Variants in MICAL3 observed in about 807,000 individuals in gnomAD.
MICAL3 encodes [F-actin]-monooxygenase MICAL3.
Under a neutral mutation model 207.4 loss-of-function variants are expected in MICAL3, and 62 were observed. The ratio of observed to expected loss-of-function variants is 0.30; its 90% CI spans 0.24 to 0.37. The LOEUF is 0.37. Among genes scored for constraint, MICAL3 ranks in the 10% least tolerant of loss-of-function variants. The probability of loss-of-function intolerance (pLI) is 1.00; values close to 1 mark genes in which losing one functional copy is unlikely to be tolerated. For missense variants in MICAL3, 2,368 were observed against 2,635.6 expected, an observed-to-expected ratio of 0.90 and a Z score of 2.22; for synonymous variants, 1,077 against 1,069.3, an observed-to-expected ratio of 1.01 and a Z score of -0.14.
rs993896603 is a variant in MICAL3 at position 17,789,461 on chromosome 22, G to A, written c.*1271C>T. ...TGCAGAGCCGGAATTCTCACTGGGA[G>A]GGTGAGAGTGGCAGCTCTGCTGTTG... is the stretch of plus-strand genomic sequence containing the variant. On this transcript the variant is annotated 3_prime_UTR_variant, in exon 32 of 32. Coordinates refer to ENST00000441493, the MANE Select transcript of MICAL3 (RefSeq NM_015241.3). The A allele has an allele frequency of 3.3e-5, 5 of 152,260 alleles. No individual in the cohort carries two copies. Among genetic ancestry groups the A allele is most frequent in the African/African-American group, 1.2e-4 (5 of 41,462 alleles). 9.4% of individuals were successfully genotyped at this position (152,260 alleles called of 1,614,324 possible).
chr22:17,882,346 G>A (rs1294937032), intron 16 of MICAL3, among the ~76,000 whole-genome samples: 1 of 152,186 alleles, frequency 6.6e-6, no homozygotes, highest in Non-Finnish European at 1.5e-5. Context: ...TGTCCTACCA[G>A]GCAATGCCCT....
intron 1 of MICAL3, among the ~76,000 whole-genome samples, chr22:18,023,254 T>A (rs1229219284): frequency 2.0e-5 from 3 of 151,948 alleles, no homozygotes; most frequent in Non-Finnish European, 2.9e-5. Context: ...AAAGAAAATT[T>A]AAAAAATCCC....
At chr22:17,866,608 C>CAGAATAGAAT (rs1327654068) in intron 17 of MICAL3, among the ~76,000 whole-genome samples, 9,272 of 122,470 alleles carry the variant, frequency 0.076, 382 homozygotes, top group Middle Eastern at 0.11. Context: ...CAGCATAGAA[C>CAGAATAGAAT]AGAACAGAAT....
chr22:17,801,162 T>TGCTGGAATTCTAAA (rs1230218029), intron 29 of MICAL3, among the ~76,000 whole-genome samples: 14 of 100,224 alleles, frequency 1.4e-4, no homozygotes, highest in South Asian at 3.4e-4. Context: ...TTTTTTTTTT[T>TGCTGGAATTCTAAA]TTTTTTTTGA....
chr22:17,845,787 T>C (rs908018091), intron 19 of MICAL3, among the ~76,000 whole-genome samples: 2 of 152,180 alleles, frequency 1.3e-5, no homozygotes, highest in African/African-American at 4.8e-5. Flanking sequence ...GCCTTCCCCT[T>C]TGGGCATCTT....
At chr22:17,973,887 C>T (rs576915121) in intron 1 of MICAL3, among the ~76,000 whole-genome samples, 1 of 152,214 alleles carries the variant, frequency 6.6e-6, no homozygotes, top group East Asian at 1.9e-4. Context: ...CACCACTGCA[C>T]TCCAGCAACA....
chr22:17,820,659 T>C (rs1040329354), intron 25 of MICAL3, among the ~76,000 whole-genome samples: 8 of 152,150 alleles, frequency 5.3e-5, no homozygotes, highest in Admixed American at 5.2e-4. Flanking sequence ...TGGCCAGATG[T>C]TGTAAATTTC....
intron 1 of MICAL3, among the ~76,000 whole-genome samples, chr22:18,012,569 A>G (rs1247380336): frequency 6.6e-6 from 1 of 152,242 alleles, no homozygotes; most frequent in Admixed American, 6.5e-5. Flanking sequence ...CTCAGCTCCC[A>G]GGGCTGCCAG....
chr22:17,935,045 G>C (rs143208030), intron 1 of MICAL3, among the ~76,000 whole-genome samples: 62 of 151,966 alleles, frequency 4.1e-4, no homozygotes, highest in African/African-American at 1.2e-3. Flanking sequence ...ATCAAGCTAC[G>C]AATGACTTTC....
At chr22:17,896,511 G>GT (rs1235605154) in intron 8 of MICAL3, 150 bp from the exon 9 acceptor site, 21 of 758,720 alleles carry the variant, frequency 2.8e-5, no homozygotes, top group Non-Finnish European at 4.5e-5. Flanking sequence ...TTGGCAAGGA[G>GT]TAAGTCAAAA....
intron 1 of MICAL3, among the ~76,000 whole-genome samples, chr22:17,974,273 G>C (rs1388349978): frequency 6.6e-6 from 1 of 152,222 alleles, no homozygotes; most frequent in Non-Finnish European, 1.5e-5. Context: ...GGCTTCAGGG[G>C]ACTGCTGTGA....
intron 17 of MICAL3, among the ~76,000 whole-genome samples, chr22:17,869,195 G>A (rs1569104530): frequency 6.6e-6 from 1 of 152,190 alleles, no homozygotes; most frequent in African/African-American, 2.4e-5. Flanking sequence ...GACACGCAAT[G>A]CTCTCTCCAC....
intron 1 of MICAL3, among the ~76,000 whole-genome samples, chr22:17,908,581 A>G (rs534279350): frequency 5.4e-4 from 82 of 152,300 alleles, no homozygotes; most frequent in Middle Eastern, 3.4e-3. Context: ...TGCTGGGATT[A>G]CAGGTGTGAG....
chr22:17,864,924 C>A lies in MICAL3; in HGVS notation c.2580G>T (p.Val860=). 1 of 1,613,774 alleles carries A rather than the reference C, an allele frequency of 6.2e-7. No homozygotes were observed. The highest frequency in any genetic ancestry group is 8.5e-7 in the Non-Finnish European group (1 of 1,179,868). ...CTGGGGTTCTCTCAGTGGAGCTGGC[C>A]ACGGCGTTGGCCCGTCCGTTTGCAT... is the stretch of plus-strand genomic sequence containing the variant. ...TTDANGRANA[V]ASSTERTPGS... is the part of the protein sequence containing the mutation. The change falls in exon 19 of 32, where the codon GTG becomes GTT. Residue 860 remains valine, a synonymous_variant. Coordinates refer to ENST00000441493, the MANE Select transcript of MICAL3 (RefSeq NM_015241.3).
intron 1 of MICAL3, among the ~76,000 whole-genome samples, chr22:17,949,098 T>C (rs1934213695): frequency 6.7e-6 from 1 of 149,972 alleles, no homozygotes; most frequent in Non-Finnish European, 1.5e-5. Flanking sequence ...TAGTCTCAGC[T>C]ACTCAGGAGG....
At chr22:17,817,279 CT>C in intron 26 of MICAL3, 31 bp downstream of exon 26, 1 of 1,551,676 alleles carries the variant, frequency 6.4e-7, no homozygotes, top group Non-Finnish European at 8.7e-7. Context: ...CCCTCCCGCT[CT>C]GCCTGCACGC....
intron 1 of MICAL3, among the ~76,000 whole-genome samples, chr22:18,011,589 G>A (rs549839337): frequency 7.4e-5 from 11 of 149,108 alleles, no homozygotes; most frequent in African/African-American, 2.7e-4. Context: ...TATAAATAAA[G>A]GCCAGGCGCG....
intron 10 of MICAL3, 116 bp from the exon 11 acceptor site, chr22:17,894,020 A>T: frequency 1.4e-6 from 1 of 725,516 alleles, no homozygotes; most frequent in East Asian, 2.7e-5. Flanking sequence ...GGTAAAGTTC[A>T]GACAGAAGTT....
In MICAL3 at chr22:17,849,368, TC is replaced by T. The variant is rs561199214; in HGVS notation, c.2606-7352del. Among the ~76,000 whole-genome samples the T allele has an allele frequency of 8.5e-5, 13 of 152,276 alleles. 1 individual carries two copies. The highest frequency in any genetic ancestry group is 2.9e-4 in the African/African-American group (12 of 41,562). ...ATTTGTTTTTGACACAGGGTCTCACTCTATTGTCCCAGCTACAGTGCACCGG... is the reference window on the plus strand; with the variant it reads ...ATTTGTTTTTGACACAGGGTCTCACTTATTGTCCCAGCTACAGTGCACCGG... On this transcript the variant is annotated intron_variant, in intron 19 of 31. Transcript: ENST00000441493.
Sources: allele counts gnomAD v4.1 joint callset (sites outside exome capture counted in the v4.1 genomes callset), GRCh38; gene constraint gnomAD v4.1.1; transcripts MANE v1.5; gene names NCBI Gene and HGNC (gene_info 2026-07-23, HGNC 2026-07-21).